Variants in ORC1 observed in about 807,000 individuals in gnomAD.
ORC1 encodes origin recognition complex subunit 1.
ORC1 carries 61 observed loss-of-function variants against 98.9 expected under a neutral mutation model. The ratio of observed to expected loss-of-function variants is 0.62; its 90% CI spans 0.50 to 0.76. The LOEUF (loss-of-function observed/expected upper bound fraction) is 0.76. ORC1 is among the 30% of genes least tolerant of loss of function. ORC1 has a pLI of 0.00. For missense variants in ORC1, 979 were observed against 1,072.2 expected (o/e 0.91, Z 1.21); for synonymous variants, 385 against 406.9 (o/e 0.95, Z 0.65).
At position 52,397,716 on chromosome 1, in the gene ORC1, A is replaced by G; in HGVS notation, c.371T>C (p.Ile124Thr). Residue 124 changes from isoleucine to threonine, a missense_variant, in exon 4 of 17, where the codon ATT (isoleucine) becomes ACT (threonine). Transcript: ENST00000371568. ...WYDYPACDSN[I>T]NAETIIGLVR... is the part of the protein sequence containing the mutation. ...AAGGCCAATGATGGTCTCCGCATTA[A>G]TGTTGCTGTCACAGGCCGGGTAATC... is the stretch of plus-strand genomic sequence containing the variant. 1 of 1,614,214 alleles carries G rather than the reference A, an allele frequency of 6.2e-7. No homozygotes were observed. Among genetic ancestry groups the G allele is most frequent in the Non-Finnish European group, 8.5e-7 (1 of 1,180,028 alleles).
rs1242251262 is a variant in ORC1 at position 52,393,577 on chromosome 1, T to C, written c.948A>G (p.Ile316Met). The C allele has an allele frequency of 6.2e-7, 1 of 1,614,198 alleles. No individual in the cohort carries two copies. Among genetic ancestry groups the C allele is most frequent in the Non-Finnish European group, 8.5e-7 (1 of 1,180,030 alleles). ...DDKKASPEHR[I>M]ILRTRIAASK... ...AAGCTGCAATTCGGGTTCTCAGGAT[T>C]ATGCGATGTTCAGGTGAAGCCTTCT... The change falls in exon 6 of 17, where the codon ATA becomes ATG. Residue 316 changes from isoleucine (I) to methionine (M), a missense_variant. Physicochemically the swap from Ile to Met is conservative, Grantham distance 10 (BLOSUM62 1). Transcript: ENST00000371568.
At chr1:52,405,786 A>G (rs573490973), upstream of ORC1, 8 of 1,614,208 alleles carry the variant, frequency 5.0e-6, no homozygotes, top group Middle Eastern at 1.7e-4. Flanking sequence ...AGATGCTTCA[A>G]ATTCAACCCG....
rs1569959267 is a variant in ORC1, at chr1:52,400,411, G to A, written c.223+951C>T. The stretch of plus-strand genomic sequence containing the variant: ...TAAAGCTTATGACTTGTTTTTTTCT[G>A]TAATTTTCCATTTAATATTTTTGGA... On this transcript the variant is annotated intron_variant, in intron 3 of 16. Transcript: ENST00000371568. 5.3e-5 allele frequency among the ~76,000 whole-genome samples: 8 copies of A among 152,272 alleles called. 1 individual carries two copies. The South Asian group carries it at 1.7e-3, about 32-fold the overall frequency.
chr1:52,386,275 C>T (rs1647142449), intron 8 of ORC1, among the ~76,000 whole-genome samples: 1 of 152,156 alleles, frequency 6.6e-6, no homozygotes, highest in East Asian at 1.9e-4. Flanking sequence ...ATGTTTAAGA[C>T]ACCCTAACTA....
chr1:52,390,398 C>A (rs1326921556), intron 6 of ORC1, among the ~76,000 whole-genome samples: 5 of 152,192 alleles, frequency 3.3e-5, no homozygotes, highest in Admixed American at 3.3e-4. Context: ...AAGCCAAATA[C>A]TTATAGCCGA....
intron 15 of ORC1, 143 bp downstream of exon 15, chr1:52,375,287 A>G (rs1646979624): frequency 3.8e-6 from 3 of 785,462 alleles, no homozygotes; most frequent in Non-Finnish European, 6.5e-6. Context: ...TCCTAGGGTT[A>G]TATTTCTGTT....
intron 6 of ORC1, among the ~76,000 whole-genome samples, chr1:52,389,789 A>C (rs1315609962): frequency 6.6e-6 from 1 of 152,198 alleles, no homozygotes; most frequent in Non-Finnish European, 1.5e-5. Context: ...TTGCATTTTT[A>C]TTTGTACAGC....
chr1:52,389,156 T>TAA, intron 7 of ORC1, 61 bp downstream of exon 7: 1 of 1,232,872 alleles, frequency 8.1e-7, no homozygotes, highest in South Asian at 1.2e-5. Context: ...CATTAGGAGA[T>TAA]AAGATTATAG....
chr1:52,384,817 C>A, intron 10 of ORC1, 96 bp from the exon 11 acceptor site: 2 of 1,132,520 alleles, frequency 1.8e-6, no homozygotes, highest in Non-Finnish European at 1.3e-6. Context: ...GAGGGAAGGA[C>A]CGAGACCCTT....
In ORC1 at chr1:52,383,215, A is replaced by G. The variant is rs529719834; in HGVS notation, c.2013+205T>C. Among the ~76,000 whole-genome samples the G allele has an allele frequency of 3.3e-5, 5 of 151,802 alleles. No homozygotes were observed. In the South Asian group the frequency reaches 1.0e-3, roughly 32 times the overall value. On this transcript the variant is annotated intron_variant, in intron 13 of 16. Coordinates refer to ENST00000371568, the MANE Select transcript of ORC1 (RefSeq NM_004153.4). ...TCCTAAGTAAAAATTAGCCTGGCTA[A>G]TTTTTGTATTTTTAGTAGAGACGGG... is the stretch of plus-strand genomic sequence containing the variant.
At chr1:52,383,984 C>T (rs750741836) in intron 11 of ORC1, 47 bp from the exon 12 acceptor site, 3 of 1,506,826 alleles carry the variant, frequency 2.0e-6, no homozygotes, top group Non-Finnish European at 2.8e-6. Context: ...GGGTCTTACT[C>T]CCTTGGGCTT....
chr1:52,405,574 A>G (rs1647959771), upstream of ORC1: 7 of 981,086 alleles, frequency 7.1e-6, no homozygotes, highest in Non-Finnish European at 9.4e-6. Flanking sequence ...TTCTCCTAAT[A>G]TTACACTGTT....
chr1:52,386,580 T>C (rs1423355400), intron 8 of ORC1, among the ~76,000 whole-genome samples: 1 of 152,206 alleles, frequency 6.6e-6, no homozygotes, highest in African/African-American at 2.4e-5. Context: ...ATGGGGCATT[T>C]CACTCCACCC....
At position 52,399,433 on chromosome 1, in the gene ORC1, G is replaced by T. The variant is rs536082176; in HGVS notation, c.224-1570C>A. 2.0e-5 allele frequency among the ~76,000 whole-genome samples: 3 copies of T among 152,068 alleles called. No individual in the cohort carries two copies. In the South Asian group the frequency reaches 6.2e-4, roughly 32 times the overall value. On this transcript the variant is annotated intron_variant, in intron 3 of 16. Coordinates refer to ENST00000371568, the MANE Select transcript of ORC1 (RefSeq NM_004153.4). ...AGGTCAGGAGCTCAAGACCATCCTG[G>T]CTAACACGGTGAAACCCCGTCTCTA...
chr1:52,382,405 A>G (rs1473969156), intron 13 of ORC1, among the ~76,000 whole-genome samples: 1 of 152,130 alleles, frequency 6.6e-6, no homozygotes, highest in Non-Finnish European at 1.5e-5. Flanking sequence ...CTTCAGATCT[A>G]TGCTATACAT....
intron 14 of ORC1, 74 bp from the exon 15 acceptor site, chr1:52,375,673 A>AATGGAC: frequency 1.4e-6 from 2 of 1,414,900 alleles, no homozygotes; most frequent in Non-Finnish European, 2.0e-6. Flanking sequence ...TAGTGCTGGC[A>AATGGAC]ATGGACATAA....
In ORC1 at chr1:52,373,356, G is replaced by A. The variant is rs1172363509; in HGVS notation, c.2411C>T (p.Ala804Val). The stretch of plus-strand genomic sequence containing the variant: ...CGGCAGTCCCTCCATTCTGCACAGT[G>A]CCACATGTTGACTATATATCTAGAC... ...TFQQIYSQHV[A>V]LCRMEGLPYP... Residue 804 changes from alanine to valine, a missense_variant, in exon 17 of 17, where the codon GCA becomes GTA. Transcript: ENST00000371568. 6.2e-7 allele frequency: 1 copy of A among 1,613,832 alleles called. No individual in the cohort carries two copies. Among genetic ancestry groups the A allele is most frequent in the East Asian group, 2.2e-5 (1 of 44,900 alleles).
chr1:52,401,481 C>A lies in ORC1; in HGVS notation c.104G>T (p.Cys35Phe), dbSNP rs894548961. ...GGTGGAACAACCTTCTGTTTTCACA[C>A]ACATTTCTCTAGGAAGTAACAGAGA... ...KLHYQTYREM[C>F]VKTEGCSTEI... Residue 35 changes from cysteine to phenylalanine, a missense_variant, in exon 3 of 17, where the codon TGT (cysteine) becomes TTT (phenylalanine). Coordinates refer to ENST00000371568, the MANE Select transcript of ORC1 (RefSeq NM_004153.4). 6.2e-7 allele frequency: 1 copy of A among 1,613,982 alleles called. No homozygotes were observed. Among genetic ancestry groups the A allele is most frequent in the Non-Finnish European group, 8.5e-7 (1 of 1,179,998 alleles).
chr1:52,391,897 CAAAAAAAAAAACAAAAGGTA>C (rs1647219153), intron 6 of ORC1, among the ~76,000 whole-genome samples: 1 of 78,092 alleles, frequency 1.3e-5, no homozygotes, highest in Non-Finnish European at 2.5e-5. Context: ...GACTCCCGCT[CAAAAAAAAAAACAAAAGGTA>C]AAAAAAAAAA....
Sources: gnomAD v4.1 joint callset for allele counts (sites outside exome capture counted in the v4.1 genomes callset) on GRCh38, gnomAD v4.1.1 for gene constraint, MANE v1.5 for transcripts, NCBI Gene and HGNC (gene_info 2026-07-23, HGNC 2026-07-21) for gene names.